Variants in PTPN1 observed in about 807,000 individuals in gnomAD.
PTPN1 encodes tyrosine-protein phosphatase non-receptor type 1.
PTPN1 carries 12 observed loss-of-function variants against 59.9 expected under a neutral mutation model. That is an observed-to-expected ratio of 0.20 (90% CI 0.13 to 0.32). PTPN1 has a LOEUF of 0.32. Among genes scored for constraint, PTPN1 ranks in the 10% least tolerant of loss-of-function variants. The pLI, the probability that PTPN1 is intolerant of heterozygous loss-of-function variation, is 1.00. For synonymous variants in PTPN1, 178 were observed against 203.6 expected (o/e 0.87, Z 1.07); for missense variants, 356 against 549.2 (o/e 0.65, Z 3.52).
chr20:50,532,418 T>A (rs1341810355), intron 1 of PTPN1, among the ~76,000 whole-genome samples: 1 of 152,212 alleles, frequency 6.6e-6, no homozygotes, highest in East Asian at 1.9e-4. Flanking sequence ...GTCAAAATGG[T>A]AATCAAGCAT....
chr20:50,561,312 G>C, intron 1 of PTPN1, 51 bp from the exon 2 acceptor site: 1 of 1,349,930 alleles, frequency 7.4e-7, no homozygotes, highest in Non-Finnish European at 1.0e-6. Context: ...TCTTTGCTGG[G>C]TCTTCCTCAG....
rs1296097243 is a variant in PTPN1, at chr20:50,584,411, T to C, written c.*1696T>C. The C allele has an allele frequency of 1.3e-5, 2 of 152,664 alleles. No homozygotes were observed. Among genetic ancestry groups the C allele is most frequent in the Non-Finnish European group, 2.9e-5 (2 of 68,044 alleles). The allele number at this position is 152,664 out of a possible 1,614,324, so 9.5% of individuals were successfully genotyped here. ...GACGTACTGGTTTAACCTCCTATCC[T>C]TGGAGAGCAGCTGGCTCTCCACCTT... On this transcript the variant is annotated 3_prime_UTR_variant, in exon 10 of 10. Transcript: ENST00000371621.
At position 50,568,124 on chromosome 20, in the gene PTPN1, TC is replaced by T. The variant is rs1204511237; in HGVS notation, c.256-255del. On this transcript the variant is annotated intron_variant, in intron 3 of 9. Coordinates refer to ENST00000371621, the MANE Select transcript of PTPN1 (RefSeq NM_002827.4). This position sits in a 1 kb window ranked among gnomAD's most constrained non-coding sequence, Gnocchi z 5.6. ...GGCCTGCCTGAGCCAGAAAGCAGAA[TC>T]GGCATTTTTCTGTCCTTGGTTGGCC... 6.6e-6 allele frequency among the ~76,000 whole-genome samples: 1 copy of T among 152,192 alleles called. No homozygotes were observed. Among genetic ancestry groups the T allele is most frequent in the African/African-American group, 2.4e-5 (1 of 41,448 alleles).
chr20:50,523,064 C>G (rs2082558249), intron 1 of PTPN1, among the ~76,000 whole-genome samples: 1 of 152,072 alleles, frequency 6.6e-6, no homozygotes, highest in East Asian at 1.9e-4. Flanking sequence ...CTGCCTCCGG[C>G]CAGGTATTTG....
intron 1 of PTPN1, among the ~76,000 whole-genome samples, chr20:50,526,976 C>T (rs1374996855): frequency 1.3e-5 from 2 of 152,218 alleles, no homozygotes; most frequent in Non-Finnish European, 2.9e-5. Flanking sequence ...AGCATCTGGC[C>T]ATCAGATCTA....
rs1398392030 is a variant in PTPN1 at position 50,564,995 on chromosome 20, CAAG to C, written c.186_188del (p.Glu62del). On this transcript the variant is annotated inframe_deletion, in exon 3 of 10. Coordinates refer to ENST00000371621, the MANE Select transcript of PTPN1 (RefSeq NM_002827.4). Reference sequence around the variant, plus strand: ...TGACCATAGTCGGATTAAACTACATCAAGAAGATAATGACTATATCAACGCTAG... The same window carrying C: ...TGACCATAGTCGGATTAAACTACATCAAGATAATGACTATATCAACGCTAG... The C allele has an allele frequency of 6.2e-7, 1 of 1,613,274 alleles. No homozygotes were observed. The highest frequency in any genetic ancestry group is 1.1e-5 in the South Asian group (1 of 90,950).
intron 4 of PTPN1, among the ~76,000 whole-genome samples, chr20:50,569,373 C>T (rs886623184): frequency 2.6e-4 from 40 of 152,348 alleles, no homozygotes; most frequent in Admixed American, 1.8e-3. Flanking sequence ...CCAGTGCCCA[C>T]GTTCATCCCA....
chr20:50,563,024 A>G (rs767974419), intron 2 of PTPN1: 1 of 151,206 alleles, frequency 6.6e-6, no homozygotes, highest in Non-Finnish European at 1.5e-5. Context: ...GTCCAAGTAC[A>G]GTAGTGTTTA....
At chr20:50,522,575 T>C (rs2082555925) in intron 1 of PTPN1, among the ~76,000 whole-genome samples, 1 of 152,236 alleles carries the variant, frequency 6.6e-6, no homozygotes, top group African/African-American at 2.4e-5. Context: ...AAAGTACATA[T>C]TATGTTGTAG....
chr20:50,560,557 C>T (rs1458124328), intron 1 of PTPN1, among the ~76,000 whole-genome samples: 1 of 151,742 alleles, frequency 6.6e-6, no homozygotes, highest in Non-Finnish European at 1.5e-5. Flanking sequence ...TTCCAGCTTC[C>T]AGAATTCTAT....
chr20:50,568,546 C>A lies in PTPN1; in HGVS notation c.354+68C>A, dbSNP rs928663037. ...CACTCCATATAGTTACCATTTTCGTCCAGATTTTTAAATTATTTTTCTTGC... is the reference window on the plus strand; with the variant it reads ...CACTCCATATAGTTACCATTTTCGTACAGATTTTTAAATTATTTTTCTTGC... On this transcript the variant is annotated intron_variant, in intron 4 of 9. Transcript: ENST00000371621. The surrounding 1 kb of genome is among the most constrained non-coding windows in gnomAD (Gnocchi z 5.6). 7.0e-6 allele frequency: 9 copies of A among 1,284,222 alleles called. No individual in the cohort carries two copies. The highest frequency in any genetic ancestry group is 1.1e-6 in the Non-Finnish European group (1 of 890,712). 79.6% of individuals were successfully genotyped at this position (1,284,222 alleles called of 1,614,324 possible).
At position 50,550,731 on chromosome 20, in the gene PTPN1, TTAGGAGGGGACAC is replaced by T. The variant is rs756121113; in HGVS notation, c.64-10629_64-10617del. Among the ~76,000 whole-genome samples, 617 of 152,290 alleles carry T rather than the reference TTAGGAGGGGACAC, an allele frequency of 4.1e-3. 3 individuals are homozygous for T. Among genetic ancestry groups the T allele is most frequent in the Middle Eastern group, 0.017 (5 of 294 alleles). On this transcript the variant is annotated intron_variant, in intron 1 of 9. Transcript: ENST00000371621. The stretch of plus-strand genomic sequence containing the variant: ...TGCCTACCCTGGGCCTGGGCCTGTG[TTAGGAGGGGACAC>T]TAAGATGAGAGTCCAAAGCACTTCT...
At chr20:50,556,615 A>G (rs998130027) in intron 1 of PTPN1, among the ~76,000 whole-genome samples, 2 of 152,344 alleles carry the variant, frequency 1.3e-5, no homozygotes, top group South Asian at 4.1e-4. Flanking sequence ...TTGAATATGC[A>G]CATGACTCAA....
At chr20:50,574,375 A>C in intron 4 of PTPN1, 142 bp from the exon 5 acceptor site, 1 of 805,712 alleles carries the variant, frequency 1.2e-6, no homozygotes, top group Non-Finnish European at 1.8e-6. Flanking sequence ...TGAGGCAGGC[A>C]TCTGTGCTGA....
chr20:50,540,120 A>C (rs2082644334), intron 1 of PTPN1, among the ~76,000 whole-genome samples: 1 of 152,044 alleles, frequency 6.6e-6, no homozygotes, highest in Admixed American at 6.5e-5. Context: ...CAATGGCGTG[A>C]TCTCGGCTCA....
intron 1 of PTPN1, among the ~76,000 whole-genome samples, chr20:50,548,378 G>A (rs758624727): frequency 8.0e-5 from 12 of 150,432 alleles, no homozygotes; most frequent in South Asian, 2.1e-4. Flanking sequence ...TTTTATACAC[G>A]ATTCCTTCAT....
chr20:50,554,588 A>C (rs1418561729), intron 1 of PTPN1, among the ~76,000 whole-genome samples: 1 of 152,158 alleles, frequency 6.6e-6, no homozygotes, highest in Non-Finnish European at 1.5e-5. Flanking sequence ...ATAAATATGA[A>C]ATATATTTTT....
intron 1 of PTPN1, among the ~76,000 whole-genome samples, chr20:50,550,499 CAAAT>C (rs1314211498): frequency 6.6e-6 from 1 of 152,164 alleles, no homozygotes; most frequent in Non-Finnish European, 1.5e-5. Context: ...GGGTCAACTG[CAAAT>C]AAATAAAATA....
At position 50,582,086 on chromosome 20, in the gene PTPN1, C is replaced by T. The variant is rs907934690; in HGVS notation, c.1285-606C>T. ...TATAAGAAGAACAGCAACAAAAGGC[C>T]GTCTAGAAAAACAGAACCTGCCTCT... On this transcript the variant is annotated intron_variant, in intron 9 of 9. Coordinates refer to ENST00000371621, the MANE Select transcript of PTPN1 (RefSeq NM_002827.4). This position sits in a 1 kb window ranked among gnomAD's most constrained non-coding sequence, Gnocchi z 4.2. 6.6e-6 allele frequency among the ~76,000 whole-genome samples: 1 copy of T among 152,208 alleles called. No homozygotes were observed. Among genetic ancestry groups the T allele is most frequent in the South Asian group, 2.1e-4 (1 of 4,832 alleles).
Sources: gnomAD v4.1 joint callset for allele counts (sites outside exome capture counted in the v4.1 genomes callset) on GRCh38, gnomAD v4.1.1 for gene constraint, Gnocchi (gnomAD v3.1) non-coding constraint, MANE v1.5 for transcripts, NCBI Gene and HGNC (gene_info 2026-07-23, HGNC 2026-07-21) for gene names.